Variants in FAM81B observed in about 807,000 individuals in gnomAD.
FAM81B encodes the protein family with sequence similarity 81 member B, also known as protein FAM81B.
FAM81B carries 60 observed loss-of-function variants against 58.7 expected under a neutral mutation model. The ratio of observed to expected loss-of-function variants is 1.02; its 90% CI spans 0.83 to 1.27. FAM81B has a LOEUF of 1.27. Ranked by LOEUF, FAM81B falls within the 50% of genes most tolerant of loss-of-function variation. The pLI is 0.00. For missense variants in FAM81B, 491 were observed against 522.0 expected, an observed-to-expected ratio of 0.94 and a Z score of 0.58; for synonymous variants, 189 against 179.6, an observed-to-expected ratio of 1.05 and a Z score of -0.42.
chr5:95,429,692 T>C (rs1236910946), intron 6 of FAM81B, among the ~76,000 whole-genome samples: 2 of 152,228 alleles, frequency 1.3e-5, no homozygotes, highest in Non-Finnish European at 2.9e-5. Flanking sequence ...TCTGGTTTTC[T>C]GATTTAAGAC....
intron 4 of FAM81B, among the ~76,000 whole-genome samples, chr5:95,417,478 T>TACA (rs976281470): frequency 6.6e-6 from 1 of 152,138 alleles, no homozygotes; most frequent in East Asian, 1.9e-4. Flanking sequence ...ACTCTGTCTC[T>TACA]ACAACAACAA....
intron 5 of FAM81B, among the ~76,000 whole-genome samples, chr5:95,424,365 G>A (rs1762768096): frequency 6.6e-6 from 1 of 151,072 alleles, no homozygotes; most frequent in South Asian, 2.1e-4. Context: ...CTTCATGAAG[G>A]AACTGCCCAG....
intron 3 of FAM81B, among the ~76,000 whole-genome samples, chr5:95,403,211 T>C (rs973912633): frequency 6.6e-6 from 1 of 152,236 alleles, no homozygotes; most frequent in Admixed American, 6.5e-5. Context: ...TCAGTAGGTT[T>C]GTGTTGGAGT....
intron 2 of FAM81B, among the ~76,000 whole-genome samples, chr5:95,395,315 C>T (rs2546096): frequency 0.32 from 48,819 of 151,416 alleles, 8,357 homozygotes; most frequent in Middle Eastern, 0.41. Context: ...TGGTGGCGGG[C>T]GCCTGTCGTC....
chr5:95,406,752 G>A (rs958522248), intron 3 of FAM81B, among the ~76,000 whole-genome samples: 3 of 152,116 alleles, frequency 2.0e-5, no homozygotes, highest in Non-Finnish European at 2.9e-5. Flanking sequence ...TTGTAAGGGA[G>A]ACAGGATGGG....
intron 3 of FAM81B, among the ~76,000 whole-genome samples, chr5:95,402,461 A>G (rs1363575599): frequency 1.3e-5 from 2 of 152,234 alleles, no homozygotes; most frequent in Non-Finnish European, 2.9e-5. Context: ...GGAATTTCAA[A>G]AAGGAAAGCT....
chr5:95,438,039 T>C (rs2152769047), intron 7 of FAM81B, among the ~76,000 whole-genome samples: 1 of 152,300 alleles, frequency 6.6e-6, no homozygotes, highest in East Asian at 1.9e-4. Context: ...CTGTAAGACA[T>C]GAAGCTAACA....
At chr5:95,436,717 C>T (rs1342935077) in intron 6 of FAM81B, 83 bp from the exon 7 acceptor site, 7 of 905,648 alleles carry the variant, frequency 7.7e-6, no homozygotes, top group South Asian at 4.2e-5. Flanking sequence ...ATCTGTTTCC[C>T]GGCTCCTTAA....
At chr5:95,412,097 A>C (rs945619911) in intron 3 of FAM81B, among the ~76,000 whole-genome samples, 1 of 152,200 alleles carries the variant, frequency 6.6e-6, no homozygotes, top group African/African-American at 2.4e-5. Flanking sequence ...AGAGCTGGCC[A>C]ACATTCACAG....
intron 6 of FAM81B, among the ~76,000 whole-genome samples, chr5:95,430,432 CT>C (rs1252035966): frequency 7.3e-6 from 1 of 137,736 alleles, no homozygotes. Context: ...TAGAGCTATG[CT>C]TTTAAAAAAA....
chr5:95,413,488 T>A (rs1762456695), intron 3 of FAM81B, among the ~76,000 whole-genome samples: 1 of 152,160 alleles, frequency 6.6e-6, no homozygotes, highest in Non-Finnish European at 1.5e-5. Flanking sequence ...GGGAGAGACA[T>A]CATATGCAAG....
At chr5:95,437,493 T>C (rs913654486) in intron 7 of FAM81B, among the ~76,000 whole-genome samples, 1 of 152,132 alleles carries the variant, frequency 6.6e-6, no homozygotes, top group African/African-American at 2.4e-5. Context: ...TACAGGCATG[T>C]ACCACGACAC....
rs992005264 is a variant in FAM81B, at chr5:95,424,294, A to G, written c.656+3892A>G. 1.5e-5 allele frequency: 17 copies of G among 1,155,098 alleles called. No homozygotes were observed. The Middle Eastern group carries it at 8.8e-4, about 60-fold the overall frequency. 71.6% of individuals were successfully genotyped at this position (1,155,098 alleles called of 1,614,324 possible). On this transcript the variant is annotated intron_variant, in intron 5 of 9. Transcript: ENST00000283357. ...AGATAGACAGAAGACAGACAGATAG[A>G]TGATAGACAGACAGACAGATAATAG...
intron 6 of FAM81B, among the ~76,000 whole-genome samples, chr5:95,433,956 T>C (rs1475223356): frequency 6.6e-6 from 1 of 152,190 alleles, no homozygotes; most frequent in Non-Finnish European, 1.5e-5. Context: ...ACATGTAGAG[T>C]AGAACAAACT....
intron 3 of FAM81B, chr5:95,396,987 CAGA>C (rs1761981741): frequency 6.6e-6 from 1 of 152,032 alleles, no homozygotes; most frequent in Admixed American, 6.5e-5. Flanking sequence ...ATCATGACCA[CAGA>C]AGAAAAAAAT....
At chr5:95,401,175 C>A (rs573903095) in intron 3 of FAM81B, among the ~76,000 whole-genome samples, 187 of 152,290 alleles carry the variant, frequency 1.2e-3, no homozygotes, top group African/African-American at 4.4e-3. Flanking sequence ...TGCAATCTTA[C>A]TAAAAATTTT....
chr5:95,400,740 C>T (rs1762090354), intron 3 of FAM81B, among the ~76,000 whole-genome samples: 1 of 152,086 alleles, frequency 6.6e-6, no homozygotes, highest in South Asian at 2.1e-4. Flanking sequence ...CATCCTTTAA[C>T]TTGATCTCGT....
chr5:95,400,435 C>CATACAT (rs10675531), intron 3 of FAM81B, among the ~76,000 whole-genome samples: 64,802 of 142,016 alleles, frequency 0.46, 14,625 homozygotes, highest in East Asian at 0.61. Flanking sequence ...TACATACATA[C>CATACAT]ACACACACAC....
intron 3 of FAM81B, among the ~76,000 whole-genome samples, chr5:95,407,307 C>T (rs867311262): frequency 1.3e-5 from 2 of 150,848 alleles, no homozygotes; most frequent in African/African-American, 2.4e-5. Flanking sequence ...CATCTGCCAG[C>T]TCAGGCAATC....
Sources: gnomAD v4.1 joint callset for allele counts (sites outside exome capture counted in the v4.1 genomes callset) on GRCh38, gnomAD v4.1.1 for gene constraint, MANE v1.5 for transcripts, NCBI Gene and HGNC (gene_info 2026-07-23, HGNC 2026-07-21) for gene names.